ATXN7: variants seen among roughly 807,000 people sequenced by gnomAD.
The protein encoded by ATXN7 is ataxin 7, also known as ataxin-7.
A neutral mutation model predicts 70.5 loss-of-function variants in ATXN7; 12 were observed. That is an observed-to-expected ratio of 0.17 (90% CI 0.11 to 0.28). The LOEUF is 0.28. Among genes scored for constraint, ATXN7 ranks in the 10% least tolerant of loss-of-function variants. ATXN7 has a pLI of 1.00. For missense variants in ATXN7, 1,256 were observed against 1,131.7 expected, an observed-to-expected ratio of 1.11 and a Z score of -1.58; for synonymous variants, 498 against 448.7, an observed-to-expected ratio of 1.11 and a Z score of -1.39.
intron 5 of ATXN7, among the ~76,000 whole-genome samples, chr3:63,957,237 A>T (rs1429464972): frequency 1.3e-5 from 2 of 151,810 alleles, no homozygotes; most frequent in African/African-American, 4.9e-5. Context: ...AATGATGTTT[A>T]TTCAGCTTGG....
chr3:64,000,532 A>T lies in ATXN7; in HGVS notation c.*1065A>T, dbSNP rs998205708. 1 of 152,430 alleles carries T rather than the reference A, an allele frequency of 6.6e-6. No homozygotes were observed. Among genetic ancestry groups the T allele is most frequent in the African/African-American group, 2.4e-5 (1 of 41,424 alleles). The allele number at this position is 152,430 out of a possible 1,614,324, so 9.4% of individuals were successfully genotyped here. On this transcript the variant is annotated 3_prime_UTR_variant, in exon 13 of 13. Coordinates refer to ENST00000674280, the MANE Select transcript of ATXN7 (RefSeq NM_001377405.1). ...TTTTCTCTTTGGATACTGTCCTGGG[A>T]CTAAGTGTAGATTTCTGCTTCAAGC...
At chr3:63,877,011 T>A (rs1702763751) in intron 1 of ATXN7, among the ~76,000 whole-genome samples, 1 of 152,158 alleles carries the variant, frequency 6.6e-6, no homozygotes, top group African/African-American at 2.4e-5. Context: ...CCAGAAAAAA[T>A]TTACACCTTA....
At position 63,967,129 on chromosome 3, in the gene ATXN7, T is replaced by G. The variant is rs533585596; in HGVS notation, c.500-12786T>G. On this transcript the variant is annotated intron_variant, in intron 5 of 12. Transcript: ENST00000674280. The stretch of plus-strand genomic sequence containing the variant: ...CTGTGTCATTTGACAGTAGATTTGT[T>G]GATTGGCCAGAGAGAGGGAGTGTGA... Among the ~76,000 whole-genome samples, 7 of 152,220 alleles carry G rather than the reference T, an allele frequency of 4.6e-5. No individual in the cohort carries two copies. The South Asian group carries it at 1.5e-3, about 32-fold the overall frequency.
rs1459563803 is a variant in ATXN7 at position 64,001,382 on chromosome 3, C to T, written c.*1915C>T. ...GGGAGAAATCAGTCTGGTTTCCATC[C>T]CAGTCGGGGAAGAGAGAGGTGAGAG... On this transcript the variant is annotated 3_prime_UTR_variant, in exon 13 of 13. Coordinates refer to ENST00000674280, the MANE Select transcript of ATXN7 (RefSeq NM_001377405.1). 6.6e-6 allele frequency: 1 copy of T among 152,054 alleles called. No homozygotes were observed. The highest frequency in any genetic ancestry group is 2.4e-5 in the African/African-American group (1 of 41,384). The allele number at this position is 152,054 out of a possible 1,614,324, so 9.4% of individuals were successfully genotyped here. A position where few individuals can be genotyped will look rare whatever the true frequency, so the allele number is the denominator to read the frequency against.
At chr3:63,950,550 A>G (rs1017281119) in intron 4 of ATXN7, among the ~76,000 whole-genome samples, 2 of 152,210 alleles carry the variant, frequency 1.3e-5, no homozygotes, top group African/African-American at 4.8e-5. Context: ...ATGTTATACC[A>G]GTTCTGTAAT....
chr3:63,900,405 A>G (rs143920811), intron 2 of ATXN7, among the ~76,000 whole-genome samples: 48 of 152,386 alleles, frequency 3.1e-4, no homozygotes, highest in African/African-American at 1.1e-3. Context: ...GATGTTTGAA[A>G]GAACAAGAGT....
At chr3:63,919,066 C>G (rs1704402366) in intron 4 of ATXN7, among the ~76,000 whole-genome samples, 1 of 152,104 alleles carries the variant, frequency 6.6e-6, no homozygotes, top group Admixed American at 6.5e-5. Context: ...GGGACTTTTC[C>G]CCAGTTGCAG....
chr3:63,863,607 C>T (rs918390567), upstream of ATXN7: 15 of 1,195,064 alleles, frequency 1.3e-5, no homozygotes, highest in African/African-American at 2.2e-4. Flanking sequence ...GGGAAGCAGC[C>T]GGGGAGGCCC....
In ATXN7 at chr3:63,912,785, G is replaced by A. The variant is rs752810032; in HGVS notation, c.187G>A (p.Gly63Ser). 10 of 1,527,142 alleles carry A rather than the reference G, an allele frequency of 6.5e-6. No homozygotes were observed. Among genetic ancestry groups the A allele is most frequent in the African/African-American group, 1.4e-5 (1 of 69,258 alleles). 94.6% of individuals were successfully genotyped at this position (1,527,142 alleles called of 1,614,324 possible). The change falls in exon 3 of 13, where the codon GGC (glycine) becomes AGC (serine). Residue 63 changes from glycine (G) to serine (S), a missense_variant. Transcript: ENST00000674280. Reference protein sequence around the residue: ...PPPRRTRPEDGGPGAASTSAA... With the variant: ...PPPRRTRPEDSGPGAASTSAA... ...GCCACGGCGCACACGGCCGGAGGAC[G>A]GCGGGCCCGGCGCCGCCTCCACCTC...
intron 1 of ATXN7, among the ~76,000 whole-genome samples, chr3:63,888,990 A>G (rs1355857144): frequency 6.6e-6 from 1 of 152,190 alleles, no homozygotes; most frequent in African/African-American, 2.4e-5. Flanking sequence ...AAAGAATATG[A>G]TAAAATTTTT....
At chr3:63,987,964 G>T (rs1454432499) in intron 8 of ATXN7, 95 bp from the exon 9 acceptor site, 8 of 1,457,838 alleles carry the variant, frequency 5.5e-6, no homozygotes, top group Non-Finnish European at 7.5e-6. Flanking sequence ...TTATGGTCTA[G>T]ATTGCTTATT....
chr3:63,965,737 A>G (rs1282193142), intron 5 of ATXN7, among the ~76,000 whole-genome samples: 3 of 152,184 alleles, frequency 2.0e-5, no homozygotes, highest in Non-Finnish European at 4.4e-5. Context: ...GTTTGAAGAA[A>G]ATTGTGATAA....
chr3:63,982,924 G>A lies in ATXN7; in HGVS notation c.1013-15G>A. On this transcript the variant is annotated splice_polypyrimidine_tract_variant and intron_variant, in intron 7 of 12. Coordinates refer to ENST00000674280, the MANE Select transcript of ATXN7 (RefSeq NM_001377405.1). ...GTTTGTCAGGCCACATGTAATGCCT[G>A]TGTTCTTTTGACAGAAAGAGAGTTT... 8.7e-6 allele frequency: 14 copies of A among 1,609,008 alleles called. No homozygotes were observed. The highest frequency in any genetic ancestry group is 1.3e-5 in the African/African-American group (1 of 74,886).
intron 4 of ATXN7, among the ~76,000 whole-genome samples, chr3:63,929,147 T>C (rs560761121): frequency 2.0e-5 from 3 of 152,276 alleles, no homozygotes; most frequent in African/African-American, 7.2e-5. Context: ...GCGTATTTAT[T>C]ACCCACTTAG....
chr3:63,992,998 G>T (rs951146602), intron 11 of ATXN7, among the ~76,000 whole-genome samples: 1 of 152,100 alleles, frequency 6.6e-6, no homozygotes, highest in Non-Finnish European at 1.5e-5. Context: ...CCACCCTACC[G>T]GCTCAGCCCA....
chr3:63,955,250 A>G (rs1278000192), intron 5 of ATXN7, among the ~76,000 whole-genome samples: 1 of 152,218 alleles, frequency 6.6e-6, no homozygotes, highest in Non-Finnish European at 1.5e-5. Flanking sequence ...TGACAAGGGA[A>G]ATATTAAAGA....
chr3:63,939,905 A>G (rs2074726358), intron 4 of ATXN7, among the ~76,000 whole-genome samples: 1 of 152,096 alleles, frequency 6.6e-6, no homozygotes, highest in Non-Finnish European at 1.5e-5. Context: ...CCCCATTCTC[A>G]GGACTTGTCT....
intron 12 of ATXN7, among the ~76,000 whole-genome samples, chr3:63,996,900 T>G (rs556385274): frequency 1.3e-5 from 2 of 152,172 alleles, no homozygotes; most frequent in Admixed American, 6.5e-5. Context: ...TAGTGGTTCT[T>G]TAGTATGTTC....
chr3:63,989,150 C>T (rs942420908), intron 9 of ATXN7, among the ~76,000 whole-genome samples: 2 of 152,182 alleles, frequency 1.3e-5, no homozygotes, highest in African/African-American at 2.4e-5. Context: ...TAGAGCCTGT[C>T]CCAACGTGAG....
Sources: allele counts gnomAD v4.1 joint callset (sites outside exome capture counted in the v4.1 genomes callset), GRCh38; gene constraint gnomAD v4.1.1; transcripts MANE v1.5; gene names NCBI Gene and HGNC (gene_info 2026-07-23, HGNC 2026-07-21).